The following ENTREP2 variants were observed in gnomAD, a reference collection of about 807,000 sequenced individuals.
ENTREP2 encodes endosomal transmembrane epsin interactor 2, also known as protein ENTREP2.
chr15:29,231,885 C>CTTTCTTTTTT, the ENTREP2 span, among the ~76,000 whole-genome samples: 1 of 129,952 alleles, frequency 7.7e-6, no homozygotes, highest in African/African-American at 3.0e-5. Flanking sequence ...GTTTTCTTTT[C>CTTTCTTTTTT]TTTTCTTTCT....
At chr15:29,351,959 G>A in the ENTREP2 span, among the ~76,000 whole-genome samples, 1 of 151,754 alleles carries the variant, frequency 6.6e-6, no homozygotes, top group Non-Finnish European at 1.5e-5. Flanking sequence ...TCTGTAGACA[G>A]GGTCTTGCTA....
chr15:29,150,524 C>T, the ENTREP2 span, among the ~76,000 whole-genome samples: 1 of 152,118 alleles, frequency 6.6e-6, no homozygotes, highest in African/African-American at 2.4e-5. Flanking sequence ...TTAACCTTTC[C>T]TTTACAGAAC....
At chr15:29,569,706 C>G in the ENTREP2 span, 1 of 152,202 alleles carries the variant, frequency 6.6e-6, no homozygotes, top group Non-Finnish European at 1.5e-5. Context: ...AAAATTAACT[C>G]TTGGGGACAG....
the ENTREP2 span, among the ~76,000 whole-genome samples, chr15:29,413,191 A>C: frequency 6.6e-6 from 1 of 152,176 alleles, no homozygotes; most frequent in African/African-American, 2.4e-5. Flanking sequence ...AAAAACTGCA[A>C]GATCAATTTC....
chr15:29,516,168 G>C, the ENTREP2 span, among the ~76,000 whole-genome samples: 2 of 151,996 alleles, frequency 1.3e-5, no homozygotes, highest in African/African-American at 4.8e-5. Context: ...TGGGACCCAG[G>C]CATTGGTATT....
the ENTREP2 span, among the ~76,000 whole-genome samples, chr15:29,360,766 T>A: frequency 1.3e-5 from 2 of 152,290 alleles, no homozygotes; most frequent in Non-Finnish European, 1.5e-5. Flanking sequence ...CAGGTGATTA[T>A]TCAGTGTGGG....
the ENTREP2 span, among the ~76,000 whole-genome samples, chr15:29,558,456 C>T: frequency 4.0e-5 from 6 of 151,550 alleles, no homozygotes; most frequent in East Asian, 2.0e-4. Flanking sequence ...AGTACATGCC[C>T]GCCCTCTTCA....
At chr15:29,494,045 A>G in the ENTREP2 span, among the ~76,000 whole-genome samples, 1 of 152,166 alleles carries the variant, frequency 6.6e-6, no homozygotes, top group African/African-American at 2.4e-5. Flanking sequence ...TTACTATTCA[A>G]TATTTAATGG....
chr15:29,266,127 T>C, the ENTREP2 span: 3 of 152,086 alleles, frequency 2.0e-5, no homozygotes, highest in East Asian at 1.9e-4. Flanking sequence ...TACAAATCAA[T>C]AGAAATAGGT....
the ENTREP2 span, among the ~76,000 whole-genome samples, chr15:29,492,798 G>A: frequency 6.6e-6 from 1 of 152,072 alleles, no homozygotes; most frequent in Non-Finnish European, 1.5e-5. Flanking sequence ...GAGGTCAGGA[G>A]TTCGAGACCA....
the ENTREP2 span, among the ~76,000 whole-genome samples, chr15:29,320,458 A>G: frequency 6.6e-6 from 1 of 152,200 alleles, no homozygotes; most frequent in Admixed American, 6.5e-5. Flanking sequence ...TATCTGATAC[A>G]CTATATTTGG....
At chr15:29,479,844 T>G in the ENTREP2 span, among the ~76,000 whole-genome samples, 1 of 152,106 alleles carries the variant, frequency 6.6e-6, no homozygotes, top group African/African-American at 2.4e-5. Flanking sequence ...ATGTGAGGTC[T>G]GGAATTGTAG....
At chr15:29,324,066 A>C in the ENTREP2 span, among the ~76,000 whole-genome samples, 14 of 152,018 alleles carry the variant, frequency 9.2e-5, no homozygotes, top group Non-Finnish European at 1.5e-4. Flanking sequence ...AAAAAGGGAA[A>C]GAAGTGAACA....
At chr15:29,307,671 G>C in the ENTREP2 span, among the ~76,000 whole-genome samples, 1 of 152,240 alleles carries the variant, frequency 6.6e-6, no homozygotes, top group South Asian at 2.1e-4. Context: ...ACAAGGGTAG[G>C]GTCCTGACCC....
At chr15:29,399,210 A>G in the ENTREP2 span, among the ~76,000 whole-genome samples, 1 of 152,280 alleles carries the variant, frequency 6.6e-6, no homozygotes, top group Non-Finnish European at 1.5e-5. Flanking sequence ...AAGCTTTTGG[A>G]TGAAGATGCT....
At chr15:29,597,707 A>G in the ENTREP2 span, among the ~76,000 whole-genome samples, 9 of 151,934 alleles carry the variant, frequency 5.9e-5, no homozygotes, top group African/African-American at 2.2e-4. Context: ...GTTGCTTCTA[A>G]TTTTGGACCA....
chr15:29,450,659 G>T, the ENTREP2 span, among the ~76,000 whole-genome samples: 1 of 152,164 alleles, frequency 6.6e-6, no homozygotes, highest in Non-Finnish European at 1.5e-5. Flanking sequence ...AAAGACACAT[G>T]CATGCATATG....
chr15:29,420,880 G>T, the ENTREP2 span, among the ~76,000 whole-genome samples: 1 of 152,196 alleles, frequency 6.6e-6, no homozygotes, highest in African/African-American at 2.4e-5. Context: ...GCAACAGAAG[G>T]CATTCTGAGG....
chr15:29,142,964 G>T, the ENTREP2 span, among the ~76,000 whole-genome samples: 1 of 152,082 alleles, frequency 6.6e-6, no homozygotes, highest in African/African-American at 2.4e-5. Flanking sequence ...AATGTCTTTT[G>T]CCACGATTTC....
Sources: allele counts gnomAD v4.1 joint callset (sites outside exome capture counted in the v4.1 genomes callset), GRCh38; gene constraint gnomAD v4.1.1; transcripts MANE v1.5; gene names NCBI Gene and HGNC (gene_info 2026-07-23, HGNC 2026-07-21).